The following HSD17B11 variants were observed in gnomAD, a reference collection of about 807,000 sequenced individuals.
The protein encoded by HSD17B11 is hydroxysteroid 17-beta dehydrogenase 11.
In HSD17B11, 22 loss-of-function variants were observed where a neutral mutation model predicts 27.8. The observed-to-expected ratio is 0.79, with a 90% CI of 0.56 to 1.13. The LOEUF (loss-of-function observed/expected upper bound fraction) is 1.13, where lower values mean the gene tolerates loss of function less well. Among genes scored for constraint, HSD17B11 ranks in the 50% most tolerant of loss-of-function variants. The pLI, the probability that HSD17B11 is intolerant of heterozygous loss-of-function variation, is 0.00. For synonymous variants in HSD17B11, 117 were observed against 132.8 expected (o/e 0.88, Z 0.82); for missense variants, 314 against 351.1 (o/e 0.89, Z 0.84).
intron 4 of HSD17B11, among the ~76,000 whole-genome samples, chr4:87,358,319 T>C (rs1443302372): frequency 3.9e-5 from 6 of 152,188 alleles, no homozygotes; most frequent in Non-Finnish European, 8.8e-5. Context: ...TCCATGACTG[T>C]TTTGGTCACC....
At position 87,375,199 on chromosome 4, in the gene HSD17B11, T is replaced by C. The variant is rs571440143; in HGVS notation, c.319-369A>G. Among the ~76,000 whole-genome samples, 4 of 152,288 alleles carry C rather than the reference T, an allele frequency of 2.6e-5. 1 individual carries two copies. The South Asian group carries it at 8.3e-4, about 32-fold the overall frequency. On this transcript the variant is annotated intron_variant, in intron 2 of 6. Coordinates refer to ENST00000358290, the MANE Select transcript of HSD17B11 (RefSeq NM_016245.5). ...CAGGCATGAGTCACTGTTCCCGTCT[T>C]GTACGCAATGACTCTTGTTTTTCTG... is the stretch of plus-strand genomic sequence containing the variant.
chr4:87,340,489 C>T lies in HSD17B11; in HGVS notation c.812+1G>A, dbSNP rs780516708. 3 of 1,570,230 alleles carry T rather than the reference C, an allele frequency of 1.9e-6. No homozygotes were observed. Among genetic ancestry groups the T allele is most frequent in the East Asian group, 4.5e-5 (2 of 44,250 alleles). The stretch of plus-strand genomic sequence containing the variant: ...TCTAAGGTTTCTTAACTGTCACTTA[C>T]CTTTCCAATGTTGTTAAAAAAGCTA... On this transcript the variant is annotated splice_donor_variant, in intron 6 of 6. Coordinates refer to ENST00000358290, the MANE Select transcript of HSD17B11 (RefSeq NM_016245.5). LOFTEE classifies it high-confidence loss of function.
intron 6 of HSD17B11, among the ~76,000 whole-genome samples, chr4:87,339,801 G>A (rs1200809953): frequency 6.6e-6 from 1 of 152,178 alleles, no homozygotes; most frequent in Non-Finnish European, 1.5e-5. Context: ...CAGAATTTGG[G>A]GGAGTTGGTC....
intron 3 of HSD17B11, among the ~76,000 whole-genome samples, chr4:87,374,197 T>C (rs1185275794): frequency 6.6e-6 from 1 of 152,196 alleles, no homozygotes; most frequent in African/African-American, 2.4e-5. Context: ...TGTTAATGCC[T>C]GTAGTCCCAG....
chr4:87,378,605 G>A (rs1222429362), intron 2 of HSD17B11, among the ~76,000 whole-genome samples: 2 of 150,498 alleles, frequency 1.3e-5, no homozygotes, highest in East Asian at 2.0e-4. Context: ...CACAGGCAGT[G>A]CAACCAGAGT....
intron 6 of HSD17B11, among the ~76,000 whole-genome samples, chr4:87,338,606 G>C (rs992526136): frequency 2.6e-5 from 4 of 152,068 alleles, no homozygotes; most frequent in Non-Finnish European, 5.9e-5. Flanking sequence ...CATGATCATG[G>C]CTCACTGCAG....
chr4:87,363,318 T>A (rs1215965680), intron 4 of HSD17B11, among the ~76,000 whole-genome samples: 2 of 152,168 alleles, frequency 1.3e-5, no homozygotes, highest in African/African-American at 4.8e-5. Flanking sequence ...AAAAAATCAG[T>A]GTTTATCACC....
At chr4:87,370,814 G>A (rs1735701395) in intron 4 of HSD17B11, among the ~76,000 whole-genome samples, 2 of 115,604 alleles carry the variant, frequency 1.7e-5, no homozygotes, top group African/African-American at 4.0e-5. Flanking sequence ...GTGTAGTGGC[G>A]CGATCTCGGC....
At chr4:87,380,004 G>A (rs370632741) in intron 2 of HSD17B11, among the ~76,000 whole-genome samples, 4 of 148,078 alleles carry the variant, frequency 2.7e-5, no homozygotes, top group East Asian at 1.9e-4. Flanking sequence ...CCAGCTACTC[G>A]AGAGGCTGAG....
chr4:87,369,066 G>A (rs907823308), intron 4 of HSD17B11, among the ~76,000 whole-genome samples: 2 of 152,136 alleles, frequency 1.3e-5, no homozygotes. Flanking sequence ...ACCCTCTCTT[G>A]AGGTCTGGAT....
intron 4 of HSD17B11, among the ~76,000 whole-genome samples, chr4:87,368,526 A>G (rs1735649834): frequency 6.6e-6 from 1 of 152,124 alleles, no homozygotes; most frequent in Non-Finnish European, 1.5e-5. Flanking sequence ...TCTCTTATAA[A>G]AGGGAAGGGG....
chr4:87,376,030 T>C (rs891367962), intron 2 of HSD17B11, among the ~76,000 whole-genome samples: 2 of 152,198 alleles, frequency 1.3e-5, no homozygotes, highest in Non-Finnish European at 2.9e-5. Context: ...ACAAGTTCCT[T>C]GTGAGTCGTT....
chr4:87,362,774 G>A (rs1047749761), intron 4 of HSD17B11, among the ~76,000 whole-genome samples: 1 of 152,134 alleles, frequency 6.6e-6, no homozygotes, highest in African/African-American at 2.4e-5. Flanking sequence ...GAGCTGACAG[G>A]ATTGCTGAAA....
At chr4:87,384,405 C>A (rs944924824) in intron 1 of HSD17B11, among the ~76,000 whole-genome samples, 3 of 152,074 alleles carry the variant, frequency 2.0e-5, no homozygotes, top group Admixed American at 6.5e-5. Flanking sequence ...TTTTAGGGAA[C>A]AAGGGAAGAC....
At chr4:87,340,343 C>A (rs1232199413) in intron 6 of HSD17B11, 147 bp downstream of exon 6, 3 of 490,572 alleles carry the variant, frequency 6.1e-6, no homozygotes, top group African/African-American at 2.0e-5. Flanking sequence ...ATCAATCTTG[C>A]CTCAATGTTA....
intron 5 of HSD17B11, among the ~76,000 whole-genome samples, chr4:87,345,935 T>A (rs1010892373): frequency 6.6e-6 from 1 of 152,202 alleles, no homozygotes; most frequent in Non-Finnish European, 1.5e-5. Flanking sequence ...AAATTCTTAA[T>A]TCATTCTCTG....
Position 87,372,824 on chromosome 4 carries a change from AG to A in HSD17B11, c.451-10del, listed in dbSNP as rs1443274793. 5.2e-6 allele frequency: 8 copies of A among 1,538,436 alleles called. No homozygotes were observed. In the African/African-American group the frequency reaches 1.2e-4, roughly 24 times the overall value. Reference sequence around the variant, plus strand: ...AGAAATGCCTTTGTAGTCTACAAATAGTTTTTATTAAAAGAGAAAAAATACT... The same window carrying A: ...AGAAATGCCTTTGTAGTCTACAAATATTTTTATTAAAAGAGAAAAAATACT... On this transcript the variant is annotated splice_polypyrimidine_tract_variant and intron_variant, in intron 3 of 6. Transcript: ENST00000358290.
chr4:87,370,953 C>T lies in HSD17B11; in HGVS notation c.557+1756G>A, dbSNP rs1251919940. 1.6e-5 allele frequency among the ~76,000 whole-genome samples: 2 copies of T among 125,484 alleles called. 1 individual carries two copies. Among genetic ancestry groups the T allele is most frequent in the Non-Finnish European group, 3.2e-5 (2 of 62,174 alleles). The allele number at this position is 125,484 out of a possible 152,430, so 82.3% of individuals were successfully genotyped here. A position where few individuals can be genotyped will look rare whatever the true frequency, so the allele number is the denominator to read the frequency against. On this transcript the variant is annotated intron_variant, in intron 4 of 6. Coordinates refer to ENST00000358290, the MANE Select transcript of HSD17B11 (RefSeq NM_016245.5). ...ATTTTTAGTAGAGACGGGGTTTCAC[C>T]GTGTTAGCCAGGATGGTCTCGATCT...
chr4:87,387,961 C>A (rs986524642), intron 1 of HSD17B11, among the ~76,000 whole-genome samples: 3 of 152,058 alleles, frequency 2.0e-5, no homozygotes, highest in Admixed American at 6.6e-5. Context: ...TCTCCTCTTA[C>A]ATCTCTCCTA....
Sources: gnomAD v4.1 joint callset for allele counts (sites outside exome capture counted in the v4.1 genomes callset) on GRCh38, gnomAD v4.1.1 for gene constraint, MANE v1.5 for transcripts, NCBI Gene and HGNC (gene_info 2026-07-23, HGNC 2026-07-21) for gene names.